Variants in LCMT1 observed in about 807,000 individuals in gnomAD.
LCMT1 encodes the protein [Phosphatase 2A protein]-leucine-carboxy methyltransferase 1.
Under a neutral mutation model 47.7 loss-of-function variants are expected in LCMT1, and 32 were observed. That is an observed-to-expected ratio of 0.67 (90% CI 0.51 to 0.90). The LOEUF (loss-of-function observed/expected upper bound fraction) is 0.90. Among genes scored for constraint, LCMT1 ranks in the 40% least tolerant of loss-of-function variants. LCMT1 has a pLI of 0.00. For missense variants in LCMT1, 375 were observed against 415.2 expected (o/e 0.90, Z 0.84); for synonymous variants, 152 against 149.7 (o/e 1.02, Z -0.11).
chr16:25,158,440 G>A (rs1299603056), intron 5 of LCMT1, among the ~76,000 whole-genome samples: 1 of 152,208 alleles, frequency 6.6e-6, no homozygotes, highest in South Asian at 2.1e-4. Context: ...CGGCCGGTCT[G>A]TTTCTTTAGA....
chr16:25,130,586 C>T (rs1960321286), intron 2 of LCMT1, among the ~76,000 whole-genome samples: 1 of 152,138 alleles, frequency 6.6e-6, no homozygotes, highest in Admixed American at 6.5e-5. Context: ...ATCAAAGCTG[C>T]AGTGAGCCAG....
intron 1 of LCMT1, among the ~76,000 whole-genome samples, chr16:25,112,704 G>T (rs1464656563): frequency 6.6e-6 from 1 of 152,176 alleles, no homozygotes; most frequent in Non-Finnish European, 1.5e-5. Context: ...CATGGTGTCA[G>T]ACATACTGGA....
At chr16:25,144,687 T>C (rs1402720936) in intron 4 of LCMT1, 1 of 151,734 alleles carries the variant, frequency 6.6e-6, no homozygotes, top group East Asian at 1.9e-4. Context: ...TGGTGGGGAG[T>C]CATAGCTTCT....
chr16:25,177,992 T>C lies in LCMT1; in HGVS notation c.983-9T>C, dbSNP rs1388977686. The C allele has an allele frequency of 1.2e-5, 20 of 1,613,386 alleles. No homozygotes were observed. Among genetic ancestry groups the C allele is most frequent in the Non-Finnish European group, 1.4e-5 (17 of 1,179,498 alleles). ...TCTCCTAATGGTGTCTGTGTGTCTC[T>C]CCCCTCAGGGCTGAAGGAGATAACT... On this transcript the variant is annotated splice_polypyrimidine_tract_variant and intron_variant, in intron 10 of 10. Coordinates refer to ENST00000399069, the MANE Select transcript of LCMT1 (RefSeq NM_016309.3).
At chr16:25,126,404 C>A (rs1310525405) in intron 1 of LCMT1, among the ~76,000 whole-genome samples, 1 of 152,258 alleles carries the variant, frequency 6.6e-6, no homozygotes, top group African/African-American at 2.4e-5. Flanking sequence ...TTCTGCCTGC[C>A]CTTCCTTCTG....
Position 25,128,583 on chromosome 16 carries a change from C to T in LCMT1, c.205+17C>T. On this transcript the variant is annotated intron_variant, in intron 2 of 10. Transcript: ENST00000399069. The stretch of plus-strand genomic sequence containing the variant: ...TCAACAGAGGCAAGTGACCATCTCC[C>T]TCCCCAACAGCACCTCATCAGCTAC... The T allele has an allele frequency of 2.6e-6, 4 of 1,561,038 alleles. No individual in the cohort carries two copies. Among genetic ancestry groups the T allele is most frequent in the Non-Finnish European group, 3.5e-6 (4 of 1,144,080 alleles).
intron 5 of LCMT1, among the ~76,000 whole-genome samples, chr16:25,154,655 T>A (rs1961186716): frequency 6.6e-6 from 1 of 151,644 alleles, no homozygotes. Flanking sequence ...CCCGGCTAAT[T>A]TTTTTTGTAT....
At chr16:25,162,169 A>G (rs1961450767) in intron 6 of LCMT1, among the ~76,000 whole-genome samples, 1 of 152,196 alleles carries the variant, frequency 6.6e-6, no homozygotes, top group African/African-American at 2.4e-5. Flanking sequence ...GAGGATGTTC[A>G]TTGTAGTTCA....
Position 25,151,584 on chromosome 16 carries a change from A to C in LCMT1, c.435A>C (p.Leu145=). The C allele has an allele frequency of 6.2e-7, 1 of 1,613,606 alleles. No homozygotes were observed. Among genetic ancestry groups the C allele is most frequent in the Admixed American group, 1.7e-5 (1 of 59,992 alleles). ...KCKPPLSSPI[L]ELHSEDTLQM... The stretch of plus-strand genomic sequence containing the variant: ...AGCCTCCCCTATCCAGCCCCATTCT[A>C]GAACTGCATTCAGAGGACACACTTC... The change falls in exon 5 of 11, where the codon CTA becomes CTC. Residue 145 remains leucine (L), a synonymous_variant. Coordinates refer to ENST00000399069, the MANE Select transcript of LCMT1 (RefSeq NM_016309.3).
At chr16:25,133,385 GTTTTTTTTTTT>G (rs1177872054) in intron 3 of LCMT1, among the ~76,000 whole-genome samples, 5 of 52,586 alleles carry the variant, frequency 9.5e-5, no homozygotes, top group Non-Finnish European at 1.6e-4. Context: ...CTGGGCTTAG[GTTTTTTTTTTT>G]TTTTTTTTTT....
intron 5 of LCMT1, chr16:25,160,765 G>A (rs751905711): frequency 3.7e-6 from 2 of 536,332 alleles, no homozygotes; most frequent in Non-Finnish European, 7.4e-6. Context: ...TGTTACGTAG[G>A]AAAAGCAGTT....
chr16:25,166,796 G>C (rs1961604272), intron 7 of LCMT1, among the ~76,000 whole-genome samples: 1 of 151,786 alleles, frequency 6.6e-6, no homozygotes, highest in Admixed American at 6.6e-5. Flanking sequence ...TCGATTGGTT[G>C]ATTTTGCATC....
chr16:25,164,894 G>T (rs994269095), intron 7 of LCMT1, among the ~76,000 whole-genome samples, 176 bp downstream of exon 7: 4 of 152,146 alleles, frequency 2.6e-5, no homozygotes, highest in African/African-American at 4.8e-5. Flanking sequence ...ACCTCCTGCA[G>T]ACTTTTAGCC....
At chr16:25,114,281 A>T (rs1463088727) in intron 1 of LCMT1, among the ~76,000 whole-genome samples, 1 of 152,154 alleles carries the variant, frequency 6.6e-6, no homozygotes, top group Non-Finnish European at 1.5e-5. Context: ...GTCTCAGAGG[A>T]TTGCTGTGCA....
At chr16:25,146,744 C>G (rs186490910) in intron 4 of LCMT1, 1 of 152,224 alleles carries the variant, frequency 6.6e-6, no homozygotes, top group African/African-American at 2.4e-5. Flanking sequence ...CGATGCTTCC[C>G]CTCTGCTGCC....
intron 5 of LCMT1, among the ~76,000 whole-genome samples, chr16:25,155,956 G>A (rs988226714): frequency 1.3e-5 from 2 of 152,192 alleles, no homozygotes; most frequent in Non-Finnish European, 2.9e-5. Flanking sequence ...TTGGGATTAA[G>A]GGCGTGAGCC....
At chr16:25,147,559 A>C (rs773389386) in intron 4 of LCMT1, 1 of 152,166 alleles carries the variant, frequency 6.6e-6, no homozygotes, top group Non-Finnish European at 1.5e-5. Context: ...CTGTCCATTC[A>C]CAGAATAGGT....
intron 1 of LCMT1, among the ~76,000 whole-genome samples, chr16:25,114,257 G>A (rs1959718825): frequency 6.6e-6 from 1 of 152,196 alleles, no homozygotes; most frequent in African/African-American, 2.4e-5. Flanking sequence ...CTGCGGATAA[G>A]TAGGATGTTA....
In LCMT1 at chr16:25,164,624, G is replaced by T; in HGVS notation, c.596G>T (p.Cys199Phe). Residue 199 changes from cysteine (C) to phenylalanine (F), a missense_variant, in exon 7 of 11, where the codon TGT becomes TTT. By Grantham distance (205) the Cys-to-Phe change is radical. Coordinates refer to ENST00000399069, the MANE Select transcript of LCMT1 (RefSeq NM_016309.3). ...TTGCCAACACTCCTGATAGCTGAAT[G>T]TGTGCTGGTTTACATGACTCCAGAG... ...TQLPTLLIAE[C>F]VLVYMTPEQS... 6.2e-7 allele frequency: 1 copy of T among 1,613,912 alleles called. No individual in the cohort carries two copies. Among genetic ancestry groups the T allele is most frequent in the Non-Finnish European group, 8.5e-7 (1 of 1,179,878 alleles).
Sources: gnomAD v4.1 joint callset for allele counts (sites outside exome capture counted in the v4.1 genomes callset) on GRCh38, gnomAD v4.1.1 for gene constraint, MANE v1.5 for transcripts, NCBI Gene and HGNC (gene_info 2026-07-23, HGNC 2026-07-21) for gene names.